Variants in STARD9 observed in about 807,000 individuals in gnomAD.
STARD9 encodes StAR related lipid transfer domain containing 9.
In STARD9, 346 loss-of-function variants were observed where a neutral mutation model predicts 399.8. The ratio of observed to expected loss-of-function variants is 0.87; its 90% confidence interval spans 0.79 to 0.95. The LOEUF (loss-of-function observed/expected upper bound fraction) is 0.95, where lower values mean the gene tolerates loss of function less well. Ranked by LOEUF, STARD9 falls within the 40% of genes least tolerant of loss-of-function variation. The pLI, the probability that STARD9 is intolerant of heterozygous loss-of-function variation, is 0.00. For missense variants in STARD9, 5,832 were observed against 5,667.5 expected, an observed-to-expected ratio of 1.03 and a Z score of -0.93; for synonymous variants, 2,203 against 2,143.5, an observed-to-expected ratio of 1.03 and a Z score of -0.77.
At position 42,687,357 on chromosome 15, in the gene STARD9, C is replaced by T; in HGVS notation, c.5779C>T (p.Leu1927=). 1 of 1,536,706 alleles carries T rather than the reference C, an allele frequency of 6.5e-7. No homozygotes were observed. The highest frequency in any genetic ancestry group is 8.7e-7 in the Non-Finnish European group (1 of 1,146,920). The change falls in exon 23 of 33, where the codon CTG becomes TTG. Residue 1927 remains leucine, a synonymous_variant. Coordinates refer to ENST00000290607, the MANE Select transcript of STARD9 (RefSeq NM_020759.3). ...AGAAGAGCTGGATCAGAATACGGTT[C>T]TGAGGCAGACCATCAATGTAAGCCT... ...EEEELDQNTV[L]RQTINVSLEK... is the part of the protein sequence containing the mutation.
chr15:42,596,765 C>T (rs978377205), intron 3 of STARD9, among the ~76,000 whole-genome samples: 2 of 152,118 alleles, frequency 1.3e-5, no homozygotes, highest in Non-Finnish European at 2.9e-5. Context: ...AAGCAGATAA[C>T]GGCATAAATG....
chr15:42,601,348 T>C (rs1262706248), intron 3 of STARD9, among the ~76,000 whole-genome samples: 1 of 152,176 alleles, frequency 6.6e-6, no homozygotes, highest in Non-Finnish European at 1.5e-5. Context: ...ACCGCCATCG[T>C]CATCATGGCC....
In STARD9 at chr15:42,638,049, CTG is replaced by C. The variant is rs2059451411; in HGVS notation, c.411_412del (p.Ala138LeufsTer7). ...AGGGTCTCTTCGTCAGGGAGAAAGA[CTG>C]TGCCTCACTGCCTTCCTCCTGTAGG... Reference protein sequence around the residue: ...CEGLFVREKDCASLPSSCRIK... With the variant: ...CEGLFVREKDXASLPSSCRIK... On this transcript the variant is annotated frameshift_variant, in exon 6 of 33. Transcript: ENST00000290607. LOFTEE classifies it high-confidence loss of function. 19 of 1,537,372 alleles carry C rather than the reference CTG, an allele frequency of 1.2e-5. No individual in the cohort carries two copies. The highest frequency in any genetic ancestry group is 1.5e-5 in the Non-Finnish European group (17 of 1,146,942).
Position 42,685,604 on chromosome 15 carries a change from C to G in STARD9, c.4026C>G (p.Asp1342Glu). 6.5e-7 allele frequency: 1 copy of G among 1,537,512 alleles called. No individual in the cohort carries two copies. Among genetic ancestry groups the G allele is most frequent in the African/African-American group, 1.4e-5 (1 of 73,146 alleles). Residue 1342 changes from aspartate (D) to glutamate (E), a missense_variant, in exon 23 of 33, where the codon GAC (aspartate) becomes GAG (glutamate). This residue lies in a region of STARD9 where 5,828 missense variants were observed against 5,651.1 expected (regional missense o/e 1.03). Transcript: ENST00000290607. The stretch of plus-strand genomic sequence containing the variant: ...CCATGGATTCCTGGTTTTCCTGTGA[C>G]TCTAAGATCAACCCCAGCAGCCCCC... ...LMSMDSWFSC[D>E]SKINPSSPPG...
chr15:42,632,046 T>G (rs1318402890), intron 3 of STARD9, among the ~76,000 whole-genome samples: 1 of 152,204 alleles, frequency 6.6e-6, no homozygotes, highest in Non-Finnish European at 1.5e-5. Context: ...GGTGTTGAAG[T>G]CTCCAGCTAT....
chr15:42,617,841 C>G (rs567833296), intron 3 of STARD9, among the ~76,000 whole-genome samples: 1 of 152,120 alleles, frequency 6.6e-6, no homozygotes. Flanking sequence ...GCAGCCTCAA[C>G]GTCCCAGGCT....
At chr15:42,661,385 G>A (rs1208510794) in intron 10 of STARD9, among the ~76,000 whole-genome samples, 160 bp downstream of exon 10, 3 of 152,152 alleles carry the variant, frequency 2.0e-5, no homozygotes, top group African/African-American at 4.8e-5. Context: ...TCTAGGGGCC[G>A]AAAAGTTCCT....
At chr15:42,671,289 T>C (rs559375091) in intron 16 of STARD9, 1 of 152,044 alleles carries the variant, frequency 6.6e-6, no homozygotes, top group Non-Finnish European at 1.5e-5. Context: ...TGCACCACTG[T>C]TGGGAATAAT....
chr15:42,717,695 T>C, intron 28 of STARD9, 36 bp from the exon 29 acceptor site: 1 of 1,530,032 alleles, frequency 6.5e-7, no homozygotes, highest in South Asian at 1.2e-5. Flanking sequence ...GTTTTTACTG[T>C]GCCTCCTAAT....
At chr15:42,584,846 A>T (rs1047017263) in intron 2 of STARD9, among the ~76,000 whole-genome samples, 19 of 152,304 alleles carry the variant, frequency 1.2e-4, no homozygotes, top group Admixed American at 8.5e-4. Context: ...TCCTCTGCAG[A>T]AATACTTAGA....
At chr15:42,602,270 C>A (rs568646935) in intron 3 of STARD9, among the ~76,000 whole-genome samples, 13 of 152,120 alleles carry the variant, frequency 8.5e-5, no homozygotes, top group Non-Finnish European at 1.8e-4. Context: ...AAAGCCAAAG[C>A]CAGAAATTGA....
chr15:42,637,871 G>A, intron 4 of STARD9, 36 bp from the exon 5 acceptor site: 2 of 1,535,380 alleles, frequency 1.3e-6, no homozygotes, highest in East Asian at 2.4e-5. Flanking sequence ...ATCATCTTAA[G>A]TAAACAATAA....
rs558891400 is a variant in STARD9 at position 42,663,906 on chromosome 15, C to T, written c.1165C>T (p.Arg389Ter). The T allele has an allele frequency of 1.2e-4, 179 of 1,534,088 alleles. No homozygotes were observed. The highest frequency in any genetic ancestry group is 2.4e-5 in the East Asian group (1 of 40,902). The stretch of plus-strand genomic sequence containing the variant: ...TGCCAAAAACATTATCAACAAGCCA[C>T]GAGTAAATGAGGTGAGACCTTTTCA... ...SSAKNIINKPRVNEDANLKLI... is the reference protein window; with the variant it reads ...SSAKNIINKP The change falls in exon 13 of 33, where the codon CGA (arginine) becomes TGA (stop). Residue 389 changes from arginine (R) to a stop codon, truncating the protein, a stop_gained. Coordinates refer to ENST00000290607, the MANE Select transcript of STARD9 (RefSeq NM_020759.3). LOFTEE classifies it high-confidence loss of function.
intron 32 of STARD9, 84 bp downstream of exon 32, chr15:42,718,994 A>AGG: frequency 7.5e-7 from 1 of 1,328,098 alleles, no homozygotes; most frequent in Non-Finnish European, 1.0e-6. Flanking sequence ...TCGCTTTTGA[A>AGG]CACCCTCCAG....
At chr15:42,607,883 T>G (rs1484638359) in intron 3 of STARD9, among the ~76,000 whole-genome samples, 1 of 152,134 alleles carries the variant, frequency 6.6e-6, no homozygotes, top group African/African-American at 2.4e-5. Flanking sequence ...TTTTAGAGGT[T>G]TACTATGTTT....
intron 3 of STARD9, among the ~76,000 whole-genome samples, chr15:42,615,554 T>TA (rs1262569055): frequency 1.3e-5 from 2 of 151,700 alleles, no homozygotes; most frequent in South Asian, 2.1e-4. Flanking sequence ...CCCATATATA[T>TA]ATATGGGTTA....
intron 3 of STARD9, among the ~76,000 whole-genome samples, chr15:42,603,637 G>T (rs886833161): frequency 6.6e-6 from 1 of 152,068 alleles, no homozygotes; most frequent in African/African-American, 2.4e-5. Flanking sequence ...ATGTGGAGAC[G>T]AGGGTTTTTA....
chr15:42,629,334 A>G (rs1486697989), intron 3 of STARD9, among the ~76,000 whole-genome samples: 1 of 152,184 alleles, frequency 6.6e-6, no homozygotes, highest in Admixed American at 6.5e-5. Flanking sequence ...TTTTCATTGT[A>G]GAGGTCTTTC....
chr15:42,691,429 C>G lies in STARD9; in HGVS notation c.9851C>G (p.Ala3284Gly). The G allele has an allele frequency of 1.3e-6, 2 of 1,537,220 alleles. No individual in the cohort carries two copies. The highest frequency in any genetic ancestry group is 3.9e-5 in the Admixed American group (2 of 51,008). The change falls in exon 23 of 33, where the codon GCT becomes GGT. Residue 3284 changes from alanine to glycine, a missense_variant. Ala to Gly is a moderately conservative substitution (Grantham distance 60, BLOSUM62 0). Around this residue, in one of 2 missense-constraint regions of STARD9, gnomAD observed 5,828 missense variants for 5,651.1 expected, o/e 1.03. Coordinates refer to ENST00000290607, the MANE Select transcript of STARD9 (RefSeq NM_020759.3). Reference sequence around the variant, plus strand: ...AGGCAAAATGAAACACCGCAGCCTGCTGCTCAGAGGAGTGGCCACCTCTAC... The same window carrying G: ...AGGCAAAATGAAACACCGCAGCCTGGTGCTCAGAGGAGTGGCCACCTCTAC... Reference protein sequence around the residue: ...SLRQNETPQPAAQRSGHLYTG... With the variant: ...SLRQNETPQPGAQRSGHLYTG...
Sources: gnomAD v4.1 joint callset for allele counts (sites outside exome capture counted in the v4.1 genomes callset) on GRCh38, gnomAD v4.1.1 for gene constraint, gnomAD v4.1.1 regional missense constraint, MANE v1.5 for transcripts, NCBI Gene and HGNC (gene_info 2026-07-23, HGNC 2026-07-21) for gene names.